The following BTG4 variants were observed in gnomAD, a reference collection of about 807,000 sequenced individuals.
BTG4 encodes protein BTG4.
In BTG4, 10 loss-of-function variants were observed where a neutral mutation model predicts 19.3. The ratio of observed to expected loss-of-function variants is 0.52; its 90% confidence interval spans 0.32 to 0.88. The LOEUF (loss-of-function observed/expected upper bound fraction) is 0.88, where lower values mean the gene tolerates loss of function less well. Among genes scored for constraint, BTG4 ranks in the 40% least tolerant of loss-of-function variants. The probability of loss-of-function intolerance (pLI) is 0.04; values close to 1 mark genes in which losing one functional copy is unlikely to be tolerated. For synonymous variants in BTG4, 91 were observed against 95.7 expected, an observed-to-expected ratio of 0.95 and a Z score of 0.29; for missense variants, 238 against 281.9, an observed-to-expected ratio of 0.84 and a Z score of 1.11.
the BTG4 span, among the ~76,000 whole-genome samples, chr11:111,427,064 A>G: frequency 2.6e-5 from 4 of 152,242 alleles, no homozygotes; most frequent in Admixed American, 2.0e-4. Flanking sequence ...GAGTTTCTTC[A>G]TAAGTGGGTA....
At chr11:111,496,358 T>A (rs12275761) in intron 4 of BTG4, among the ~76,000 whole-genome samples, 54,963 of 151,938 alleles carry the variant, frequency 0.36, 10,170 homozygotes, top group Middle Eastern at 0.47. Flanking sequence ...GTTCATACTC[T>A]GCGACCCAGT....
At chr11:111,400,951 G>A in the BTG4 span, 30 of 148,426 alleles carry the variant, frequency 2.0e-4, no homozygotes, top group African/African-American at 7.4e-4. Flanking sequence ...CTTCAAAACT[G>A]TCAAGGTCAT....
At chr11:111,500,742 G>A (rs1866020669) in intron 1 of BTG4, among the ~76,000 whole-genome samples, 1 of 151,910 alleles carries the variant, frequency 6.6e-6, no homozygotes, top group African/African-American at 2.4e-5. Context: ...ACTAGCATGG[G>A]ACTGTTGCTT....
At chr11:111,447,673 C>T in the BTG4 span, among the ~76,000 whole-genome samples, 24 of 152,252 alleles carry the variant, frequency 1.6e-4, no homozygotes, top group Admixed American at 6.5e-4. Flanking sequence ...GGCATTCCTC[C>T]GGAGAGGAAG....
chr11:111,398,307 C>T, the BTG4 span, among the ~76,000 whole-genome samples: 1 of 152,314 alleles, frequency 6.6e-6, no homozygotes, highest in East Asian at 1.9e-4. Flanking sequence ...CACATTACTC[C>T]AAATCTTAAC....
chr11:111,411,143 T>A, the BTG4 span, among the ~76,000 whole-genome samples: 6,114 of 152,306 alleles, frequency 0.04, 133 homozygotes, highest in Middle Eastern at 0.14. Flanking sequence ...TGCTTTGTTT[T>A]AAACCCTCCA....
intron 1 of BTG4, among the ~76,000 whole-genome samples, chr11:111,502,743 T>C (rs1866180975): frequency 6.6e-6 from 1 of 152,214 alleles, no homozygotes; most frequent in East Asian, 1.9e-4. Flanking sequence ...TGACAAACTG[T>C]TCCCTTGCAC....
chr11:111,405,224 C>G, the BTG4 span, among the ~76,000 whole-genome samples: 1 of 151,758 alleles, frequency 6.6e-6, no homozygotes, highest in African/African-American at 2.4e-5. Context: ...GCCAACATAG[C>G]GAAACCCCAT....
At chr11:111,389,262 A>T in the BTG4 span, among the ~76,000 whole-genome samples, 3,224 of 152,342 alleles carry the variant, frequency 0.021, 131 homozygotes, top group African/African-American at 0.073. Context: ...GAGACAGAGA[A>T]AATGAAAACG....
At chr11:111,494,744 T>C (rs189223544), downstream of BTG4, 11 of 359,036 alleles carry the variant, frequency 3.1e-5, no homozygotes, top group East Asian at 1.3e-3. Flanking sequence ...TTTACAAAGA[T>C]AGGGAGACCC....
chr11:111,396,068 G>C, the BTG4 span, among the ~76,000 whole-genome samples: 6 of 152,200 alleles, frequency 3.9e-5, no homozygotes, highest in Non-Finnish European at 8.8e-5. Flanking sequence ...CCCCTGCCCA[G>C]GATGGTGGCA....
At chr11:111,394,600 A>G in the BTG4 span, among the ~76,000 whole-genome samples, 16 of 152,178 alleles carry the variant, frequency 1.1e-4, no homozygotes, top group Non-Finnish European at 2.1e-4. Flanking sequence ...GTATAGCTTC[A>G]TCAGCAGCAT....
At chr11:111,401,864 G>A in the BTG4 span, among the ~76,000 whole-genome samples, 1 of 152,094 alleles carries the variant, frequency 6.6e-6, no homozygotes, top group African/African-American at 2.4e-5. Flanking sequence ...TGTGTTGAGT[G>A]AATGAATGAA....
chr11:111,467,704 G>A, intron 5 of BTG4: 1 of 748,184 alleles, frequency 1.3e-6, no homozygotes, highest in Non-Finnish European at 2.4e-6. Flanking sequence ...ATAGATAAAT[G>A]AAAGCAAAAA....
chr11:111,431,098 G>A, the BTG4 span, among the ~76,000 whole-genome samples: 1 of 152,156 alleles, frequency 6.6e-6, no homozygotes, highest in Non-Finnish European at 1.5e-5. Context: ...GAAATTAAAG[G>A]ACTTATCTGA....
At chr11:111,475,055 A>T (rs1864319645) in intron 5 of BTG4, 1 of 152,524 alleles carries the variant, frequency 6.6e-6, no homozygotes, top group Non-Finnish European at 1.5e-5. Flanking sequence ...GACTGTCTTT[A>T]TAAAACAACT....
intron 5 of BTG4, chr11:111,473,458 A>G (rs1331911876): frequency 6.6e-6 from 1 of 152,624 alleles, no homozygotes; most frequent in African/African-American, 2.4e-5. Context: ...CATTAAGATA[A>G]CAATTAGCTA....
At chr11:111,478,767 G>GA (rs1375185356) in intron 5 of BTG4, among the ~76,000 whole-genome samples, 4 of 151,894 alleles carry the variant, frequency 2.6e-5, no homozygotes, top group South Asian at 2.1e-4. Context: ...AGAGATAGAG[G>GA]AAAAATCATC....
chr11:111,465,433 G>A (rs548871776), downstream of BTG4, among the ~76,000 whole-genome samples: 2 of 152,258 alleles, frequency 1.3e-5, no homozygotes, highest in South Asian at 4.1e-4. Context: ...TTTATGGAGT[G>A]CTTTATAATA....
Sources: allele counts gnomAD v4.1 joint callset (sites outside exome capture counted in the v4.1 genomes callset), GRCh38; gene constraint gnomAD v4.1.1; transcripts MANE v1.5; gene names NCBI Gene and HGNC (gene_info 2026-07-23, HGNC 2026-07-21).